MYH13: variants seen among roughly 807,000 people sequenced by gnomAD.
The protein encoded by MYH13 is myosin heavy chain 13, also known as myosin-13.
A neutral mutation model predicts 232.1 loss-of-function variants in MYH13; 177 were observed. The observed-to-expected ratio is 0.76, with a 90% CI of 0.67 to 0.86. The LOEUF (loss-of-function observed/expected upper bound fraction) is 0.86, where lower values mean the gene tolerates loss of function less well. Ranked by LOEUF, MYH13 falls within the 40% of genes least tolerant of loss-of-function variation. The pLI is 0.00. For synonymous variants in MYH13, 884 were observed against 923.5 expected, an observed-to-expected ratio of 0.96 and a Z score of 0.78; for missense variants, 2,246 against 2,405.9, an observed-to-expected ratio of 0.93 and a Z score of 1.39.
chr17:10,345,444 G>T, intron 14 of MYH13, 23 bp downstream of exon 14: 1 of 1,614,218 alleles, frequency 6.2e-7, no homozygotes, highest in East Asian at 2.2e-5. Context: ...AAGCAGACAA[G>T]AAAGTAGAAG....
chr17:10,309,943 T>TA, intron 33 of MYH13, 113 bp from the exon 34 acceptor site: 7 of 955,784 alleles, frequency 7.3e-6, no homozygotes, highest in Non-Finnish European at 1.0e-5. Flanking sequence ...AAATTAAATT[T>TA]AAATTTTTTT....
rs145750254 is a variant in MYH13 at position 10,322,291 on chromosome 17, A to G, written c.2935-583T>C. ...TGGGCACCTGTAGTCCCAGCTACTC[A>G]GGAGGCTGAAACAGGAGAATCGCTT... On this transcript the variant is annotated intron_variant, in intron 23 of 40. Coordinates refer to ENST00000252172, the MANE Select transcript of MYH13 (RefSeq NM_003802.3). Among the ~76,000 whole-genome samples, 19 of 152,078 alleles carry G rather than the reference A, an allele frequency of 1.2e-4. No individual in the cohort carries two copies. In the East Asian group the frequency reaches 2.7e-3, roughly 22 times the overall value.
intron 37 of MYH13, among the ~76,000 whole-genome samples, chr17:10,305,450 C>T (rs1419507784): frequency 6.6e-6 from 1 of 152,104 alleles, no homozygotes; most frequent in Non-Finnish European, 1.5e-5. Context: ...TTTTTAGCAC[C>T]TCCCTAAAAA....
rs2071801029 is a variant in MYH13 at position 10,362,386 on chromosome 17, C to T, written c.322G>A (p.Glu108Lys). The T allele has an allele frequency of 1.9e-6, 3 of 1,614,168 alleles. No individual in the cohort carries two copies. The highest frequency in any genetic ancestry group is 2.5e-6 in the Non-Finnish European group (3 of 1,180,042). ...HEPAVLYNLKERYAAWMIYTY... is the reference protein window; with the variant it reads ...HEPAVLYNLKKRYAAWMIYTY... ...TAGATCATCCAGGCTGCATAGCGCT[C>T]TTTGAGGTTGTACAGAACAGCAGGT... The change falls in exon 4 of 41, where the codon GAG (glutamate) becomes AAG (lysine). Residue 108 changes from glutamate (E) to lysine (K), a missense_variant. Coordinates refer to ENST00000252172, the MANE Select transcript of MYH13 (RefSeq NM_003802.3).
intron 22 of MYH13, among the ~76,000 whole-genome samples, chr17:10,326,586 T>G (rs1907204074): frequency 6.6e-6 from 1 of 151,892 alleles, no homozygotes; most frequent in African/African-American, 2.4e-5. Flanking sequence ...TTCTCCTGCC[T>G]CAGCCTCCTG....
intron 18 of MYH13, among the ~76,000 whole-genome samples, chr17:10,339,569 G>C (rs1431850227): frequency 6.6e-6 from 1 of 152,180 alleles, no homozygotes; most frequent in Non-Finnish European, 1.5e-5. Context: ...GCCAAATGTA[G>C]TGGTATTTAA....
chr17:10,351,309 C>A (rs758824492), intron 11 of MYH13, among the ~76,000 whole-genome samples: 1 of 151,446 alleles, frequency 6.6e-6, no homozygotes, highest in African/African-American at 2.4e-5. Flanking sequence ...CGATTGGGAA[C>A]CATTGTATGA....
chr17:10,343,758 C>T (rs1248877891), intron 16 of MYH13, 42 bp downstream of exon 16: 2 of 1,534,734 alleles, frequency 1.3e-6, no homozygotes, highest in Admixed American at 2.0e-5. Flanking sequence ...GGAGTCATTA[C>T]ATAGAACGTC....
In MYH13 at chr17:10,360,181, G is replaced by A; in HGVS notation, c.513C>T (p.Asp171=). ...NAYQFMLTDR[D]NQSILITGES... ...CTCACGTGATGAGGATAGACTGGTT[G>A]TCTCGATCTAGAAATGCAGAGGGAA... Residue 171 remains aspartate, a synonymous_variant, in exon 6 of 41, where the codon GAC becomes GAT. Coordinates refer to ENST00000252172, the MANE Select transcript of MYH13 (RefSeq NM_003802.3). 2 of 1,613,678 alleles carry A rather than the reference G, an allele frequency of 1.2e-6. No homozygotes were observed. Among genetic ancestry groups the A allele is most frequent in the Non-Finnish European group, 1.7e-6 (2 of 1,179,742 alleles).
chr17:10,324,287 T>C (rs1405920313), intron 22 of MYH13, 23 bp from the exon 23 acceptor site: 1 of 1,611,754 alleles, frequency 6.2e-7, no homozygotes, highest in Admixed American at 1.7e-5. Flanking sequence ...GGTCATTTTA[T>C]GTTTTGATTG....
intron 23 of MYH13, among the ~76,000 whole-genome samples, chr17:10,322,963 G>A (rs12940814): frequency 0.15 from 23,561 of 152,026 alleles, 2,405 homozygotes; most frequent in Middle Eastern, 0.25. Context: ...TTTTTCCACC[G>A]TTTAGCAGTA....
chr17:10,355,299 C>G (rs1019812878), intron 8 of MYH13, among the ~76,000 whole-genome samples, 152 bp from the exon 9 acceptor site: 2 of 152,142 alleles, frequency 1.3e-5, no homozygotes, highest in African/African-American at 4.8e-5. Flanking sequence ...TCTGGATTTG[C>G]ATTTTGGAAT....
At position 10,328,645 on chromosome 17, in the gene MYH13, G is replaced by T. The variant is rs531246460; in HGVS notation, c.2436-524C>A. Among the ~76,000 whole-genome samples, 249 of 150,282 alleles carry T rather than the reference G, an allele frequency of 1.7e-3. 1 individual carries two copies. Among genetic ancestry groups the T allele is most frequent in the African/African-American group, 5.9e-3 (241 of 40,900 alleles). On this transcript the variant is annotated intron_variant, in intron 21 of 40. Transcript: ENST00000252172. ...CCCAGTCTCTTGCCCTGGTAGAGTTGATCTGTCTTCCCAATTTCTTTCTTT... is the reference window on the plus strand; with the variant it reads ...CCCAGTCTCTTGCCCTGGTAGAGTTTATCTGTCTTCCCAATTTCTTTCTTT...
intron 13 of MYH13, 71 bp downstream of exon 13, chr17:10,346,609 G>T: frequency 8.2e-7 from 1 of 1,217,782 alleles, no homozygotes; most frequent in Non-Finnish European, 1.2e-6. Flanking sequence ...ACCTGCAACT[G>T]AAGGAGCTTT....
intron 3 of MYH13, 114 bp from the exon 4 acceptor site, chr17:10,362,617 G>T: frequency 7.4e-7 from 1 of 1,357,920 alleles, no homozygotes; most frequent in Non-Finnish European, 1.0e-6. Flanking sequence ...GCATTGTGAT[G>T]GATAATTTCA....
intron 3 of MYH13, 62 bp downstream of exon 3, chr17:10,364,265 T>C: frequency 6.7e-7 from 1 of 1,502,072 alleles, no homozygotes; most frequent in Non-Finnish European, 9.2e-7. Flanking sequence ...ATTTCTAATA[T>C]TCTACTCCAA....
At chr17:10,322,268 G>A (rs140660985) in intron 23 of MYH13, among the ~76,000 whole-genome samples, 3 of 151,972 alleles carry the variant, frequency 2.0e-5, no homozygotes. Context: ...CATGGTGGTG[G>A]GCACCTGTAG....
intron 27 of MYH13, among the ~76,000 whole-genome samples, chr17:10,316,838 A>C (rs530885922): frequency 1.3e-5 from 2 of 152,172 alleles, no homozygotes; most frequent in African/African-American, 4.8e-5. Flanking sequence ...TGCTCCATAA[A>C]ATAGAAAATA....
chr17:10,345,956 G>A (rs1328949994), intron 13 of MYH13, among the ~76,000 whole-genome samples: 2 of 120,332 alleles, frequency 1.7e-5, no homozygotes, highest in Non-Finnish European at 3.1e-5. Flanking sequence ...TCGTGCCACT[G>A]CACTCCAGCC....
Sources: gnomAD v4.1 joint callset for allele counts (sites outside exome capture counted in the v4.1 genomes callset) on GRCh38, gnomAD v4.1.1 for gene constraint, MANE v1.5 for transcripts, NCBI Gene and HGNC (gene_info 2026-07-23, HGNC 2026-07-21) for gene names.